Variants in ZEB1 observed in about 807,000 individuals in gnomAD.
ZEB1 encodes zinc finger E-box-binding homeobox 1.
Under a neutral mutation model 84.9 loss-of-function variants are expected in ZEB1, and 21 were observed. The ratio of observed to expected loss-of-function variants is 0.25; its 90% CI spans 0.18 to 0.36. The LOEUF is 0.36. Ranked by LOEUF, ZEB1 falls within the 10% of genes least tolerant of loss-of-function variation. The pLI is 1.00. For missense variants in ZEB1, 1,104 were observed against 1,330.2 expected (o/e 0.83, Z 2.65); for synonymous variants, 420 against 471.1 (o/e 0.89, Z 1.41).
intron 3 of ZEB1, among the ~76,000 whole-genome samples, chr10:31,499,017 TCA>T (rs1170414838): frequency 1.3e-5 from 2 of 152,130 alleles, no homozygotes; most frequent in Non-Finnish European, 2.9e-5. Context: ...ACTGAGTTGC[TCA>T]GTTTTTATGC....
intron 1 of ZEB1, among the ~76,000 whole-genome samples, chr10:31,458,312 CGTGTGTGTGTGTGTGTGTGTGTGTTGT>C (rs939180903): frequency 3.2e-5 from 4 of 123,114 alleles, no homozygotes; most frequent in African/African-American, 5.3e-5. Flanking sequence ...ATCTCCATTC[CGTGTGTGTGTGTGTGTGTGTGTGTTGT>C]GTGTGTGTGT....
intron 1 of ZEB1, among the ~76,000 whole-genome samples, chr10:31,391,231 T>TTGTA (rs2049618040): frequency 7.4e-6 from 1 of 134,690 alleles, no homozygotes; most frequent in African/African-American, 2.9e-5. Context: ...ACAGGTAAGT[T>TTGTA]TGTGTGTGTG....
chr10:31,417,952 T>A (rs1303778348), intron 1 of ZEB1, among the ~76,000 whole-genome samples: 1 of 152,070 alleles, frequency 6.6e-6, no homozygotes, highest in African/African-American at 2.4e-5. Context: ...AGTTCTTGAA[T>A]ACAGGTAAAT....
chr10:31,420,966 AT>A (rs1478427202), intron 1 of ZEB1, among the ~76,000 whole-genome samples: 1 of 152,112 alleles, frequency 6.6e-6, no homozygotes, highest in Non-Finnish European at 1.5e-5. Context: ...CTTATTTTTC[AT>A]TGGCTGAGGA....
intron 1 of ZEB1, among the ~76,000 whole-genome samples, chr10:31,366,271 A>G (rs541042061): frequency 1.3e-5 from 2 of 152,256 alleles, no homozygotes; most frequent in Admixed American, 6.5e-5. Flanking sequence ...TACTTAAATC[A>G]TCTTTGATAC....
At chr10:31,433,052 G>A (rs888928623) in intron 1 of ZEB1, among the ~76,000 whole-genome samples, 1 of 152,104 alleles carries the variant, frequency 6.6e-6, no homozygotes, top group African/African-American at 2.4e-5. Context: ...TCACCAAGTA[G>A]CAGTTTCTTA....
intron 1 of ZEB1, among the ~76,000 whole-genome samples, chr10:31,330,596 A>G (rs2133239956): frequency 6.6e-6 from 1 of 152,294 alleles, no homozygotes; most frequent in Admixed American, 6.5e-5. Context: ...TTTAAACCTA[A>G]CATTTATCTT....
intron 1 of ZEB1, among the ~76,000 whole-genome samples, chr10:31,320,927 C>T (rs2132901147): frequency 6.6e-6 from 1 of 152,316 alleles, no homozygotes; most frequent in African/African-American, 2.4e-5. Context: ...CCGCCGGCCG[C>T]AGCCCAGGCT....
At chr10:31,458,335 G>GTT (rs35942367) in intron 1 of ZEB1, among the ~76,000 whole-genome samples, 1 of 96,224 alleles carries the variant, frequency 1.0e-5, no homozygotes, top group Non-Finnish European at 1.7e-5. Context: ...GTGTGTGTGT[G>GTT]TTGTGTGTGT....
chr10:31,323,409 T>C (rs1168378930), intron 1 of ZEB1, among the ~76,000 whole-genome samples: 1 of 152,114 alleles, frequency 6.6e-6, no homozygotes, highest in Non-Finnish European at 1.5e-5. Flanking sequence ...ACTTAGACTA[T>C]GGATGGGTTG....
intron 2 of ZEB1, among the ~76,000 whole-genome samples, chr10:31,471,341 T>C (rs1281556377): frequency 2.1e-5 from 3 of 142,410 alleles, no homozygotes; most frequent in African/African-American, 5.2e-5. Flanking sequence ...GAGACACACA[T>C]AGGCTCAAAA....
chr10:31,467,142 A>T (rs2062537035), intron 2 of ZEB1, among the ~76,000 whole-genome samples: 1 of 152,070 alleles, frequency 6.6e-6, no homozygotes, highest in Admixed American at 6.6e-5. Flanking sequence ...GTGTGAGTGA[A>T]GAAACCCGGG....
At chr10:31,464,674 T>C (rs936239390) in intron 2 of ZEB1, among the ~76,000 whole-genome samples, 1 of 152,186 alleles carries the variant, frequency 6.6e-6, no homozygotes, top group African/African-American at 2.4e-5. Context: ...CATAAGACTG[T>C]AGGCAGATTT....
intron 2 of ZEB1, among the ~76,000 whole-genome samples, chr10:31,493,877 C>A (rs555726505): frequency 6.6e-6 from 1 of 152,022 alleles, no homozygotes; most frequent in East Asian, 1.9e-4. Flanking sequence ...GTTAAATACT[C>A]ATCTAAAGAG....
intron 1 of ZEB1, among the ~76,000 whole-genome samples, chr10:31,378,067 C>A (rs1458374508): frequency 6.7e-6 from 1 of 149,396 alleles, no homozygotes; most frequent in Non-Finnish European, 1.5e-5. Flanking sequence ...ATATAAATAT[C>A]CATATATAAT....
chr10:31,488,152 A>G (rs2065984793), intron 2 of ZEB1, among the ~76,000 whole-genome samples: 1 of 150,834 alleles, frequency 6.6e-6, no homozygotes. Context: ...AATTGGTGTT[A>G]TTTCTTCTTT....
upstream of ZEB1, chr10:31,319,084 T>A (rs1213126229): frequency 1.1e-5 from 7 of 666,638 alleles, no homozygotes; most frequent in African/African-American, 1.8e-5. Flanking sequence ...AGCGAGAGCC[T>A]CTAGGTGTAA....
At chr10:31,431,098 A>G (rs948954587) in intron 1 of ZEB1, among the ~76,000 whole-genome samples, 4 of 152,198 alleles carry the variant, frequency 2.6e-5, no homozygotes, top group Non-Finnish European at 4.4e-5. Flanking sequence ...TCTGTTTCCA[A>G]AAGGAACTAT....
intron 1 of ZEB1, among the ~76,000 whole-genome samples, chr10:31,394,464 C>G (rs537759908): frequency 6.6e-6 from 1 of 152,254 alleles, no homozygotes; most frequent in African/African-American, 2.4e-5. Flanking sequence ...CTTAGCACAC[C>G]TATGTGATGA....
Sources: allele counts gnomAD v4.1 joint callset (sites outside exome capture counted in the v4.1 genomes callset), GRCh38; gene constraint gnomAD v4.1.1; transcripts MANE v1.5; gene names NCBI Gene and HGNC (gene_info 2026-07-23, HGNC 2026-07-21).